CELSR1: variants seen among roughly 807,000 people sequenced by gnomAD.
CELSR1 encodes the protein cadherin EGF LAG seven-pass G-type receptor 1, also known as adhesion G protein-coupled receptor C1.
In CELSR1, 110 loss-of-function variants were observed where a neutral mutation model predicts 249.1. The observed-to-expected ratio is 0.44, with a 90% confidence interval of 0.38 to 0.52. The LOEUF (loss-of-function observed/expected upper bound fraction) is 0.52. CELSR1 is among the 20% of genes least tolerant of loss of function. The pLI is 0.00. For synonymous variants in CELSR1, 2,113 were observed against 1,900.0 expected (o/e 1.11, Z -2.92); for missense variants, 4,109 against 4,296.4 (o/e 0.96, Z 1.22).
In CELSR1 at chr22:46,391,427, C is replaced by A; in HGVS notation, c.6149-140G>T. ...CGAACCCTAGCATCTCCCCTGCCCC[C>A]ATCCATGTCAGAGCTGGAGAGGGGT... is the stretch of plus-strand genomic sequence containing the variant. On this transcript the variant is annotated intron_variant, in intron 15 of 34. Transcript: ENST00000674500. This position sits in a 1 kb window ranked among gnomAD's most constrained non-coding sequence, Gnocchi z 4.3. The A allele has an allele frequency of 1.1e-6, 1 of 905,486 alleles. No individual in the cohort carries two copies. The allele number at this position is 905,486 out of a possible 1,614,324, so 56.1% of individuals were successfully genotyped here.
chr22:46,456,676 A>AC (rs918196480), intron 2 of CELSR1, among the ~76,000 whole-genome samples: 3 of 150,844 alleles, frequency 2.0e-5, no homozygotes, highest in Admixed American at 6.6e-5. Context: ...AAAAAAAAAA[A>AC]AAAAAAAAAA....
rs1333761710 is a variant in CELSR1, at chr22:46,454,677, C to T, written c.4183+9030G>A. On this transcript the variant is annotated intron_variant, in intron 2 of 34. Coordinates refer to ENST00000674500, the MANE Select transcript of CELSR1 (RefSeq NM_001378328.1). This position sits in a 1 kb window ranked among gnomAD's most constrained non-coding sequence, Gnocchi z 5.1. ...CCACCTCCAAGCTGTCCGGGTGGGA[C>T]GCGGGAAACCCTCTGCTCCTGCGCT... Among the ~76,000 whole-genome samples, 3 of 152,236 alleles carry T rather than the reference C, an allele frequency of 2.0e-5. No individual in the cohort carries two copies. Among genetic ancestry groups the T allele is most frequent in the African/African-American group, 4.8e-5 (2 of 41,460 alleles).
In CELSR1 at chr22:46,482,848, C is replaced by T. The variant is rs1602197606; in HGVS notation, c.3545-18503G>A. On this transcript the variant is annotated intron_variant, in intron 1 of 34. Coordinates refer to ENST00000674500, the MANE Select transcript of CELSR1 (RefSeq NM_001378328.1). Reference sequence around the variant, plus strand: ...AACAGGGGAGGGGAACAAGCTCTATCTGATGTCAAGATTTATAGCCTGTAG... The same window carrying T: ...AACAGGGGAGGGGAACAAGCTCTATTTGATGTCAAGATTTATAGCCTGTAG... Among the ~76,000 whole-genome samples the T allele has an allele frequency of 3.9e-5, 6 of 152,326 alleles. No individual in the cohort carries two copies. The East Asian group carries it at 1.2e-3, about 29-fold the overall frequency.
chr22:46,519,606 C>T (rs1038890697), intron 1 of CELSR1, among the ~76,000 whole-genome samples: 5 of 152,126 alleles, frequency 3.3e-5, no homozygotes, highest in African/African-American at 4.8e-5. Context: ...CCTTCCTGGG[C>T]GGGGTTGGGA....
In CELSR1 at chr22:46,471,908, A is replaced by T. The variant is rs753371266; in HGVS notation, c.3545-7563T>A. Among the ~76,000 whole-genome samples the T allele has an allele frequency of 6.6e-6, 1 of 152,030 alleles. No individual in the cohort carries two copies. Among genetic ancestry groups the T allele is most frequent in the Non-Finnish European group, 1.5e-5 (1 of 68,014 alleles). ...GGCTGCGGTCTGTGGCCTTCAGGTGATGACGACTTTCTGCCTCACGCTGTC... is the reference window on the plus strand; with the variant it reads ...GGCTGCGGTCTGTGGCCTTCAGGTGTTGACGACTTTCTGCCTCACGCTGTC... On this transcript the variant is annotated intron_variant, in intron 1 of 34. Coordinates refer to ENST00000674500, the MANE Select transcript of CELSR1 (RefSeq NM_001378328.1). This position sits in a 1 kb window ranked among gnomAD's most constrained non-coding sequence, Gnocchi z 4.9.
intron 1 of CELSR1, among the ~76,000 whole-genome samples, chr22:46,491,262 C>CT (rs58492957): frequency 0.33 from 39,418 of 118,768 alleles, 7,627 homozygotes; most frequent in East Asian, 0.55. Context: ...CAGAAAGTCA[C>CT]TTTTTTTTTT....
Position 46,369,779 on chromosome 22 carries a change from C to A in CELSR1, c.7785G>T (p.Gln2595His), listed in dbSNP as rs939350825. 6.2e-7 allele frequency: 1 copy of A among 1,613,198 alleles called. No homozygotes were observed. Among genetic ancestry groups the A allele is most frequent in the Non-Finnish European group, 8.5e-7 (1 of 1,179,996 alleles). Residue 2595 changes from glutamine (Q) to histidine (H), a missense_variant, in exon 26 of 35, where the codon CAG becomes CAT. Gln to His is a conservative substitution (Grantham distance 24, BLOSUM62 0). Transcript: ENST00000674500. ...VTGLAVGLDP[Q>H]GYGNPDFCWL... is the part of the protein sequence containing the mutation. Reference sequence around the variant, plus strand: ...AGCAGAAGTCGGGGTTCCCGTAGCCCTGGGGGTCCAGGCCGACCGCCAGTC... The same window carrying A: ...AGCAGAAGTCGGGGTTCCCGTAGCCATGGGGGTCCAGGCCGACCGCCAGTC...
At chr22:46,376,785 T>C (rs1202442225) in intron 24 of CELSR1, among the ~76,000 whole-genome samples, 2 of 149,912 alleles carry the variant, frequency 1.3e-5, no homozygotes, top group Non-Finnish European at 3.0e-5. Context: ...CCAGCCTGGA[T>C]TGACAGAGCG....
chr22:46,492,581 T>A (rs1220912369), intron 1 of CELSR1, among the ~76,000 whole-genome samples: 1 of 152,164 alleles, frequency 6.6e-6, no homozygotes, highest in African/African-American at 2.4e-5. Context: ...CCCAGCACTT[T>A]GGGAGGCTGA....
At position 46,380,098 on chromosome 22, in the gene CELSR1, G is replaced by A. The variant is rs933811558; in HGVS notation, c.7256+690C>T. 1.3e-5 allele frequency among the ~76,000 whole-genome samples: 2 copies of A among 152,222 alleles called. No homozygotes were observed. Among genetic ancestry groups the A allele is most frequent in the East Asian group, 1.9e-4 (1 of 5,200 alleles). ...CAAACACTACTGGCTCCCAGCAGAC[G>A]GGAGCCACACTGTGGTGCTGAATCC... is the stretch of plus-strand genomic sequence containing the variant. On this transcript the variant is annotated intron_variant, in intron 22 of 34. Coordinates refer to ENST00000674500, the MANE Select transcript of CELSR1 (RefSeq NM_001378328.1). This position sits in a 1 kb window ranked among gnomAD's most constrained non-coding sequence, Gnocchi z 5.1.
rs758639530 is a variant in CELSR1, at chr22:46,535,241, C to T, written c.1930G>A (p.Glu644Lys). Residue 644 changes from glutamate (E) to lysine (K), a missense_variant, in exon 1 of 35, where the codon GAG (glutamate) becomes AAG (lysine). Physicochemically the swap from Glu to Lys is moderately conservative, Grantham distance 56. Transcript: ENST00000674500. ...NSSGWITVCA[E>K]LDREEVEHYS... ...TGCTCCACCTCCTCGCGGTCCAGCT[C>T]GGCACACACTGTGATCCAACCGGAG... The T allele has an allele frequency of 3.7e-6, 6 of 1,609,688 alleles. No individual in the cohort carries two copies. The East Asian group carries it at 6.7e-5, about 18-fold the overall frequency.
At position 46,363,321 on chromosome 22, in the gene CELSR1, C is replaced by T. The variant is rs1256618084; in HGVS notation, c.9036-74G>A. On this transcript the variant is annotated intron_variant, in intron 34 of 34. Transcript: ENST00000674500. The surrounding 1 kb of genome is among the most constrained non-coding windows in gnomAD (Gnocchi z 4.3). ...GCGGCTTGGTGGGGCCCAAGGTTGTCACACGGGGGGGCAGGATCACCCCAT... is the reference window on the plus strand; with the variant it reads ...GCGGCTTGGTGGGGCCCAAGGTTGTTACACGGGGGGGCAGGATCACCCCAT... 5.3e-6 allele frequency: 7 copies of T among 1,314,346 alleles called. No individual in the cohort carries two copies. In the Admixed American group the frequency reaches 8.8e-5, roughly 17 times the overall value. 81.4% of individuals were successfully genotyped at this position (1,314,346 alleles called of 1,614,324 possible). A position where few individuals can be genotyped will look rare whatever the true frequency, so the allele number is the denominator to read the frequency against.
chr22:46,420,098 ACT>A (rs956899730), intron 5 of CELSR1, among the ~76,000 whole-genome samples: 9 of 148,274 alleles, frequency 6.1e-5, no homozygotes, highest in African/African-American at 1.0e-4. Context: ...ACCTACCCAC[ACT>A]CGTGCATACT....
rs962456601 is a variant in CELSR1 at position 46,447,774 on chromosome 22, C to T, written c.4184-8363G>A. On this transcript the variant is annotated intron_variant, in intron 2 of 34. Transcript: ENST00000674500. The surrounding 1 kb of genome is among the most constrained non-coding windows in gnomAD (Gnocchi z 4.7). ...TGCTGGGATTACAGGTGCACACCAC[C>T]ACACCTGGCTAATTTTTGTATTTTA... Among the ~76,000 whole-genome samples the T allele has an allele frequency of 9.9e-5, 15 of 152,284 alleles. No individual in the cohort carries two copies. Among genetic ancestry groups the T allele is most frequent in the Admixed American group, 6.5e-4 (10 of 15,302 alleles).
In CELSR1 at chr22:46,396,624, C is replaced by T. The variant is rs1161145438; in HGVS notation, c.5824G>A (p.Gly1942Arg). ...YVCECGPSHY[G>R]PYCENKLDLP... The stretch of plus-strand genomic sequence containing the variant: ...TCTTACTTGTTCTCACAGTACGGCC[C>T]GTAGTGACTGGGCCCACACTCGCAC... The change falls in exon 13 of 35, where the codon GGG becomes AGG. Residue 1942 changes from glycine (G) to arginine (R), a missense_variant. Gly to Arg is a moderately radical substitution (Grantham distance 125, BLOSUM62 -2). Coordinates refer to ENST00000674500, the MANE Select transcript of CELSR1 (RefSeq NM_001378328.1). The surrounding 1 kb of genome is among the most constrained non-coding windows in gnomAD (Gnocchi z 6.4). 6.2e-7 allele frequency: 1 copy of T among 1,601,742 alleles called. No homozygotes were observed. Among genetic ancestry groups the T allele is most frequent in the Admixed American group, 1.7e-5 (1 of 58,758 alleles).
At position 46,454,515 on chromosome 22, in the gene CELSR1, G is replaced by A. The variant is rs772522783; in HGVS notation, c.4183+9192C>T. Among the ~76,000 whole-genome samples the A allele has an allele frequency of 3.3e-5, 5 of 152,214 alleles. No individual in the cohort carries two copies. The highest frequency in any genetic ancestry group is 5.9e-5 in the Non-Finnish European group (4 of 68,038). On this transcript the variant is annotated intron_variant, in intron 2 of 34. Coordinates refer to ENST00000674500, the MANE Select transcript of CELSR1 (RefSeq NM_001378328.1). The surrounding 1 kb of genome is among the most constrained non-coding windows in gnomAD (Gnocchi z 5.1). Reference sequence around the variant, plus strand: ...CACAGACTTCGAAGTCACGGGGAACGGCGTGTGCTTTAAACCACAGCGAGG... The same window carrying A: ...CACAGACTTCGAAGTCACGGGGAACAGCGTGTGCTTTAAACCACAGCGAGG...
chr22:46,463,044 T>G, intron 2 of CELSR1: 1 of 341,768 alleles, frequency 2.9e-6, no homozygotes, highest in South Asian at 2.2e-5. Context: ...AATAAAGTAC[T>G]TTCACCTGAG....
chr22:46,522,001 A>G lies in CELSR1; in HGVS notation c.3544+11626T>C, dbSNP rs188275754. Among the ~76,000 whole-genome samples, 4 of 152,282 alleles carry G rather than the reference A, an allele frequency of 2.6e-5. No homozygotes were observed. In the East Asian group the frequency reaches 7.7e-4, roughly 29 times the overall value. On this transcript the variant is annotated intron_variant, in intron 1 of 34. Transcript: ENST00000674500. ...GGGTTCCAGTTTCTCTGCATCCTTC[A>G]ACACGTGTTTTCTGAGTTTTTTTGA...
At chr22:46,403,705 G>A (rs1449521731) in intron 9 of CELSR1, among the ~76,000 whole-genome samples, 1 of 152,122 alleles carries the variant, frequency 6.6e-6, no homozygotes, top group Non-Finnish European at 1.5e-5. Flanking sequence ...AGGCACGGTG[G>A]CTCACAACTC....
Sources: allele counts gnomAD v4.1 joint callset (sites outside exome capture counted in the v4.1 genomes callset), GRCh38; gene constraint gnomAD v4.1.1; non-coding constraint Gnocchi (gnomAD v3.1); transcripts MANE v1.5; gene names NCBI Gene and HGNC (gene_info 2026-07-23, HGNC 2026-07-21).